Variants in SELENOF observed in about 807,000 individuals in gnomAD.
SELENOF encodes the protein 15 kDa selenoprotein.
Under a neutral mutation model 20.5 loss-of-function variants are expected in SELENOF, and 16 were observed. The observed-to-expected ratio is 0.78, with a 90% CI of 0.53 to 1.19. SELENOF has a LOEUF of 1.19. Ranked by LOEUF, SELENOF falls within the 50% of genes most tolerant of loss-of-function variation. The pLI, the probability that SELENOF is intolerant of heterozygous loss-of-function variation, is 0.00. For missense variants in SELENOF, 215 were observed against 194.2 expected, an observed-to-expected ratio of 1.11 and a Z score of -0.64; for synonymous variants, 78 against 74.5, an observed-to-expected ratio of 1.05 and a Z score of -0.24.
chr1:86,866,195 CAAAAAAAA>C (rs762072945), intron 4 of SELENOF, among the ~76,000 whole-genome samples: 24 of 27,656 alleles, frequency 8.7e-4, no homozygotes, highest in Non-Finnish European at 1.2e-3. Flanking sequence ...AGACCATGTC[CAAAAAAAA>C]AAAAAAAAAA....
At chr1:86,913,043 A>C (rs1660027157) in intron 1 of SELENOF, among the ~76,000 whole-genome samples, 1 of 152,208 alleles carries the variant, frequency 6.6e-6, no homozygotes, top group African/African-American at 2.4e-5. Flanking sequence ...AGATAATTGG[A>C]ATGTTAATTA....
intron 1 of SELENOF, among the ~76,000 whole-genome samples, chr1:86,910,053 G>A (rs1056046976): frequency 6.6e-6 from 1 of 152,254 alleles, no homozygotes; most frequent in Admixed American, 6.5e-5. Flanking sequence ...AAGTCTGGAA[G>A]TGGAATGTGA....
Position 86,884,125 on chromosome 1 carries a change from A to G in SELENOF, c.253-3400T>C, listed in dbSNP as rs538365085. 1.4e-4 allele frequency among the ~76,000 whole-genome samples: 22 copies of G among 152,302 alleles called. No individual in the cohort carries two copies. The South Asian group carries it at 4.4e-3, about 30-fold the overall frequency. On this transcript the variant is annotated intron_variant, in intron 2 of 4. Transcript: ENST00000331835. ...AGAATCAGACACAAAGCTTCTCAAT[A>G]TAGGTGTGCCGAAGGGAGAGAACTA...
chr1:86,891,564 T>C (rs568398547), intron 2 of SELENOF, among the ~76,000 whole-genome samples: 2 of 152,372 alleles, frequency 1.3e-5, no homozygotes, highest in East Asian at 3.9e-4. Context: ...AGTTGTAATA[T>C]GTTTAGATAG....
At chr1:86,870,913 C>G (rs1052918428) in intron 3 of SELENOF, among the ~76,000 whole-genome samples, 2 of 151,654 alleles carry the variant, frequency 1.3e-5, no homozygotes, top group Non-Finnish European at 2.9e-5. Context: ...GCCACTGTGC[C>G]CGGCCAGTAA....
intron 3 of SELENOF, among the ~76,000 whole-genome samples, chr1:86,873,087 A>ATAAG (rs1658825527): frequency 7.9e-6 from 1 of 126,320 alleles, no homozygotes; most frequent in South Asian, 2.3e-4. Flanking sequence ...AAATAAATAA[A>ATAAG]TAAATAAAAT....
intron 2 of SELENOF, among the ~76,000 whole-genome samples, chr1:86,898,763 TTTTTG>T (rs200040138): frequency 0.029 from 4,086 of 142,566 alleles, 69 homozygotes; most frequent in African/African-American, 0.06. Flanking sequence ...TTGTATTTTT[TTTTTG>T]TTTGTTTGTT....
At chr1:86,898,938 G>A (rs139513280) in intron 2 of SELENOF, among the ~76,000 whole-genome samples, 38,481 of 150,628 alleles carry the variant, frequency 0.26, 6,011 homozygotes, top group African/African-American at 0.44. Context: ...GAGGCCTTCC[G>A]CAGTGTTTGT....
At chr1:86,906,507 A>C (rs1659829537) in intron 1 of SELENOF, among the ~76,000 whole-genome samples, 1 of 152,208 alleles carries the variant, frequency 6.6e-6, no homozygotes, top group South Asian at 2.1e-4. Flanking sequence ...GTTTAAAGGA[A>C]GTTATGTGAT....
At chr1:86,899,201 G>A (rs892053619) in intron 2 of SELENOF, among the ~76,000 whole-genome samples, 5 of 151,394 alleles carry the variant, frequency 3.3e-5, no homozygotes, top group East Asian at 3.9e-4. Context: ...ACACAGACAC[G>A]GCAACCATCC....
chr1:86,892,813 T>A (rs1266478424), intron 2 of SELENOF, among the ~76,000 whole-genome samples: 1 of 152,192 alleles, frequency 6.6e-6, no homozygotes, highest in African/African-American at 2.4e-5. Flanking sequence ...TGTGGTAAAC[T>A]GAGAAATAAG....
chr1:86,896,142 CGCTTGAACCTGCAGGAGAATT>C (rs955935336), intron 2 of SELENOF, among the ~76,000 whole-genome samples: 6 of 151,694 alleles, frequency 4.0e-5, no homozygotes, highest in African/African-American at 1.2e-4. Context: ...GCAGGAGAAT[CGCTTGAACCTGCAGGAGAATT>C]GCTTGAACCT....
intron 1 of SELENOF, among the ~76,000 whole-genome samples, chr1:86,908,936 A>G (rs1202336589): frequency 2.0e-5 from 3 of 152,260 alleles, no homozygotes; most frequent in African/African-American, 7.2e-5. Context: ...CCTCACTGAA[A>G]TATTGACAAA....
chr1:86,907,850 G>A (rs1484955727), intron 1 of SELENOF, among the ~76,000 whole-genome samples: 2 of 152,060 alleles, frequency 1.3e-5, no homozygotes, highest in African/African-American at 4.8e-5. Flanking sequence ...AGCTGGGGTG[G>A]TGGCGCACAC....
chr1:86,867,928 A>T, intron 4 of SELENOF, 125 bp downstream of exon 4: 1 of 415,862 alleles, frequency 2.4e-6, no homozygotes, highest in Non-Finnish European at 4.2e-6. Flanking sequence ...GAAATTAAAA[A>T]TTTAAATTGA....
intron 1 of SELENOF, chr1:86,913,752 T>A (rs1660053728): frequency 1.2e-5 from 5 of 406,412 alleles, no homozygotes; most frequent in Non-Finnish European, 1.4e-5. Flanking sequence ...CCCTCCCACC[T>A]GGTGTGGTTT....
At chr1:86,886,664 G>A (rs924768771) in intron 2 of SELENOF, among the ~76,000 whole-genome samples, 1 of 151,980 alleles carries the variant, frequency 6.6e-6, no homozygotes, top group Non-Finnish European at 1.5e-5. Context: ...ATAACCATTA[G>A]CATAATAATT....
At chr1:86,870,785 A>AT (rs891722042) in intron 3 of SELENOF, among the ~76,000 whole-genome samples, 66 of 151,548 alleles carry the variant, frequency 4.4e-4, no homozygotes, top group African/African-American at 1.3e-3. Flanking sequence ...CGCACAGCTA[A>AT]TTTTTTTTTA....
chr1:86,869,858 T>A (rs1301582634), intron 3 of SELENOF, among the ~76,000 whole-genome samples: 1 of 152,032 alleles, frequency 6.6e-6, no homozygotes, highest in Non-Finnish European at 1.5e-5. Context: ...CACTGCAACC[T>A]CTGCTTCCCG....
Sources: gnomAD v4.1 joint callset for allele counts (sites outside exome capture counted in the v4.1 genomes callset) on GRCh38, gnomAD v4.1.1 for gene constraint, MANE v1.5 for transcripts, NCBI Gene and HGNC (gene_info 2026-07-23, HGNC 2026-07-21) for gene names.